PSD3: variants seen among roughly 807,000 people sequenced by gnomAD.
PSD3 encodes PH and SEC7 domain-containing protein 3.
In PSD3, 49 loss-of-function variants were observed where a neutral mutation model predicts 105.5. The observed-to-expected ratio is 0.46, with a 90% CI of 0.37 to 0.59. The LOEUF is 0.59. PSD3 is among the 20% of genes least tolerant of loss of function. PSD3 has a pLI of 0.00. For synonymous variants in PSD3, 557 were observed against 457.8 expected (o/e 1.22, Z -2.77); for missense variants, 1,561 against 1,263.8 (o/e 1.24, Z -3.57).
intron 2 of PSD3, among the ~76,000 whole-genome samples, chr8:18,897,246 T>C (rs1819212650): frequency 6.6e-6 from 1 of 152,236 alleles, no homozygotes; most frequent in Non-Finnish European, 1.5e-5. Flanking sequence ...TGAGACGTGA[T>C]GTGTCTGCTT....
In PSD3 at chr8:18,529,442, T is replaced by C. The variant is rs1799547227; in HGVS notation, c.*6301A>G. 1 of 152,486 alleles carries C rather than the reference T, an allele frequency of 6.6e-6. No homozygotes were observed. Among genetic ancestry groups the C allele is most frequent in the African/African-American group, 2.4e-5 (1 of 41,422 alleles). 9.4% of individuals were successfully genotyped at this position (152,486 alleles called of 1,614,324 possible). On this transcript the variant is annotated 3_prime_UTR_variant, in exon 16 of 16. Transcript: ENST00000327040. ...GCATGTGTGCAAGCATGTGTACACA[T>C]GTCAGAGGTCCCAGACATGTCAACT...
chr8:18,533,492 A>G lies in PSD3; in HGVS notation c.*2251T>C, dbSNP rs1318844442. ...ACAGTGCTATAGTGGTGCTGATGCT[A>G]GCCGAGTATTTCAACACTACTCTAA... On this transcript the variant is annotated 3_prime_UTR_variant, in exon 16 of 16. Transcript: ENST00000327040. 2 of 152,196 alleles carry G rather than the reference A, an allele frequency of 1.3e-5. No homozygotes were observed. The highest frequency in any genetic ancestry group is 2.9e-5 in the Non-Finnish European group (2 of 68,032). The allele number at this position is 152,196 out of a possible 1,614,324, so 9.4% of individuals were successfully genotyped here.
chr8:18,896,949 T>TGC (rs1417110798), intron 2 of PSD3, among the ~76,000 whole-genome samples: 1 of 152,052 alleles, frequency 6.6e-6, no homozygotes, highest in East Asian at 1.9e-4. Flanking sequence ...TAGCTGGGAT[T>TGC]ACAGGCATGC....
chr8:18,937,914 C>A (rs1260661025), intron 1 of PSD3, among the ~76,000 whole-genome samples: 1 of 151,896 alleles, frequency 6.6e-6, no homozygotes, highest in Non-Finnish European at 1.5e-5. Flanking sequence ...GGCGGGAAGG[C>A]CATACGCATG....
At chr8:18,833,489 A>G (rs1199452278) in intron 4 of PSD3, among the ~76,000 whole-genome samples, 5 of 152,244 alleles carry the variant, frequency 3.3e-5, no homozygotes, top group Admixed American at 3.3e-4. Context: ...ACATTTTAAC[A>G]GGAACTTTGT....
chr8:18,698,035 T>C (rs958162583), intron 9 of PSD3, among the ~76,000 whole-genome samples: 4 of 152,190 alleles, frequency 2.6e-5, no homozygotes, highest in Admixed American at 2.0e-4. Flanking sequence ...CAGATGTGAA[T>C]AAGTTAACGA....
At position 19,077,526 on chromosome 8, in the gene PSD3, T is replaced by C. The variant is rs145488637; in HGVS notation, c.324+6680A>G. On this transcript the variant is annotated intron_variant, in intron 1 of 1. Transcript: ENST00000521475. ...CCATTATCTGACAACGTCAACTCCA[T>C]GTAGCCGTCATTCTGTCATTTGCCC... Among the ~76,000 whole-genome samples, 412 of 152,296 alleles carry C rather than the reference T, an allele frequency of 2.7e-3. 3 individuals are homozygous for C. Among genetic ancestry groups the C allele is most frequent in the African/African-American group, 9.6e-3 (401 of 41,566 alleles).
intron 15 of PSD3, 67 bp downstream of exon 15, chr8:18,556,142 C>A: frequency 1.3e-6 from 2 of 1,532,630 alleles, no homozygotes; most frequent in Non-Finnish European, 8.8e-7. Context: ...AAGAAAGATA[C>A]CGCCTCATGG....
At chr8:19,042,270 C>T (rs1395067037) in intron 1 of PSD3, among the ~76,000 whole-genome samples, 1 of 152,008 alleles carries the variant, frequency 6.6e-6, no homozygotes, top group Non-Finnish European at 1.5e-5. Context: ...CACAGGTGAC[C>T]CAGCTTCTAG....
chr8:18,668,627 T>C (rs1799614472), intron 9 of PSD3, among the ~76,000 whole-genome samples: 1 of 152,238 alleles, frequency 6.6e-6, no homozygotes, highest in Non-Finnish European at 1.5e-5. Flanking sequence ...AGCCATAGTC[T>C]CTGCTTTTAA....
chr8:18,874,520 T>C (rs1481792941), intron 2 of PSD3, among the ~76,000 whole-genome samples: 4 of 151,880 alleles, frequency 2.6e-5, no homozygotes, highest in Non-Finnish European at 5.9e-5. Flanking sequence ...TAGTGAAATA[T>C]TTTATAAATG....
chr8:18,594,305 A>G (rs556738533), intron 12 of PSD3, among the ~76,000 whole-genome samples: 10 of 12,534 alleles, frequency 8.0e-4, no homozygotes, highest in African/African-American at 2.1e-3. Context: ...ATATAATAAT[A>G]TATATTATTA....
intron 2 of PSD3, among the ~76,000 whole-genome samples, chr8:18,931,827 T>C (rs191892601): frequency 2.6e-5 from 4 of 152,336 alleles, no homozygotes; most frequent in Admixed American, 6.5e-5. Flanking sequence ...AGCACATTTA[T>C]AGCATATTTC....
intron 12 of PSD3, among the ~76,000 whole-genome samples, chr8:18,579,895 T>C (rs1257813437): frequency 6.6e-6 from 1 of 152,252 alleles, no homozygotes; most frequent in East Asian, 1.9e-4. Flanking sequence ...TTAAACACAG[T>C]TGAAATGGTC....
At chr8:18,920,432 A>T (rs1297382662) in intron 2 of PSD3, among the ~76,000 whole-genome samples, 1 of 152,224 alleles carries the variant, frequency 6.6e-6, no homozygotes, top group Non-Finnish European at 1.5e-5. Context: ...GCAAGGTTCG[A>T]GTGTGGACAG....
intron 1 of PSD3, among the ~76,000 whole-genome samples, chr8:18,943,303 T>C (rs969158263): frequency 3.9e-5 from 6 of 152,266 alleles, no homozygotes; most frequent in African/African-American, 1.4e-4. Context: ...AGAAAAAGTT[T>C]TAAAAAATCA....
At chr8:18,934,952 A>C (rs568793138) in intron 2 of PSD3, among the ~76,000 whole-genome samples, 42 of 152,346 alleles carry the variant, frequency 2.8e-4, no homozygotes, top group African/African-American at 9.6e-4. Context: ...GCCTTCAAAA[A>C]AGTATTGCAT....
At chr8:18,694,604 C>T (rs1403383802) in intron 9 of PSD3, among the ~76,000 whole-genome samples, 1 of 84,966 alleles carries the variant, frequency 1.2e-5, no homozygotes, top group African/African-American at 5.1e-5. Context: ...AGTGAGACTG[C>T]ATCTCCGAAA....
At chr8:18,939,015 C>T (rs926942999) in intron 1 of PSD3, among the ~76,000 whole-genome samples, 2 of 83,662 alleles carry the variant, frequency 2.4e-5, no homozygotes, top group South Asian at 3.5e-4. Context: ...CAAGGACTCA[C>T]TAAAACATCA....
Sources: allele counts gnomAD v4.1 joint callset (sites outside exome capture counted in the v4.1 genomes callset), GRCh38; gene constraint gnomAD v4.1.1; transcripts MANE v1.5; gene names NCBI Gene and HGNC (gene_info 2026-07-23, HGNC 2026-07-21).